FSTL5: variants seen among roughly 807,000 people sequenced by gnomAD.
The protein encoded by FSTL5 is follistatin like 5.
Under a neutral mutation model 89.1 loss-of-function variants are expected in FSTL5, and 62 were observed. The observed-to-expected ratio is 0.70, with a 90% CI of 0.57 to 0.86. FSTL5 has a LOEUF of 0.86. FSTL5 is among the 40% of genes least tolerant of loss of function. FSTL5 has a pLI of 0.00. For missense variants in FSTL5, 1,057 were observed against 1,001.6 expected (o/e 1.06, Z -0.75); for synonymous variants, 383 against 346.2 (o/e 1.11, Z -1.18).
intron 8 of FSTL5, among the ~76,000 whole-genome samples, chr4:161,581,364 A>C (rs1027089769): frequency 8.5e-5 from 13 of 152,164 alleles, no homozygotes; most frequent in African/African-American, 2.7e-4. Context: ...TTATTAACTC[A>C]CAGTGGGAGG....
At chr4:161,393,671 G>A (rs1324762792) in intron 15 of FSTL5, among the ~76,000 whole-genome samples, 3 of 152,184 alleles carry the variant, frequency 2.0e-5, no homozygotes, top group Non-Finnish European at 4.4e-5. Context: ...TTTCAGAGAA[G>A]TGTCAACTGA....
intron 10 of FSTL5, among the ~76,000 whole-genome samples, chr4:161,534,673 G>C (rs190498256): frequency 9.1e-4 from 139 of 152,176 alleles, no homozygotes; most frequent in African/African-American, 2.8e-3. Flanking sequence ...CAGATTAAAA[G>C]ATGTCCCTAC....
chr4:161,470,344 A>G (rs1391685934), intron 13 of FSTL5, among the ~76,000 whole-genome samples: 1 of 152,092 alleles, frequency 6.6e-6, no homozygotes, highest in Non-Finnish European at 1.5e-5. Flanking sequence ...TCACTTGTAG[A>G]AAGACTGCCA....
intron 2 of FSTL5, among the ~76,000 whole-genome samples, chr4:162,074,308 T>C (rs567280997): frequency 2.0e-5 from 3 of 151,934 alleles, no homozygotes; most frequent in Admixed American, 6.6e-5. Flanking sequence ...TTGTTTAAAT[T>C]ACCACATTCT....
intron 7 of FSTL5, among the ~76,000 whole-genome samples, chr4:161,641,709 C>T (rs545375858): frequency 6.6e-6 from 1 of 152,080 alleles, no homozygotes; most frequent in African/African-American, 2.4e-5. Context: ...CCAGGATGGT[C>T]TCGATCTCCT....
At chr4:161,583,542 C>G (rs915089043) in intron 8 of FSTL5, among the ~76,000 whole-genome samples, 6 of 152,176 alleles carry the variant, frequency 3.9e-5, no homozygotes, top group Non-Finnish European at 7.3e-5. Flanking sequence ...CTTTGAAACA[C>G]ACTTTTTGCC....
chr4:161,658,610 C>G (rs1736600569), intron 6 of FSTL5, among the ~76,000 whole-genome samples: 1 of 152,100 alleles, frequency 6.6e-6, no homozygotes, highest in Admixed American at 6.6e-5. Flanking sequence ...CATATACACT[C>G]ATACAGAGAC....
rs548871725 is a variant in FSTL5, at chr4:161,973,190, C to T, written c.161-52538G>A. 9.2e-5 allele frequency among the ~76,000 whole-genome samples: 14 copies of T among 151,746 alleles called. No homozygotes were observed. The South Asian group carries it at 2.1e-3, about 23-fold the overall frequency. On this transcript the variant is annotated intron_variant, in intron 3 of 15. Coordinates refer to ENST00000306100, the MANE Select transcript of FSTL5 (RefSeq NM_020116.5). The stretch of plus-strand genomic sequence containing the variant: ...GTTTCATGTTTTTTTTTCTGTATTA[C>T]GTAGTGAAAGGTATAGCATGACAGT...
At position 161,675,839 on chromosome 4, in the gene FSTL5, T is replaced by C. The variant is rs113836895; in HGVS notation, c.728-19345A>G. 1.9e-3 allele frequency among the ~76,000 whole-genome samples: 285 copies of C among 152,190 alleles called. 1 individual carries two copies. Among genetic ancestry groups the C allele is most frequent in the African/African-American group, 6.6e-3 (276 of 41,576 alleles). On this transcript the variant is annotated intron_variant, in intron 6 of 15. Coordinates refer to ENST00000306100, the MANE Select transcript of FSTL5 (RefSeq NM_020116.5). Reference sequence around the variant, plus strand: ...GTTAATGTATATCTTATATGGATAATAAAAGTCATATTTTTGTAGAAAAAG... The same window carrying C: ...GTTAATGTATATCTTATATGGATAACAAAAGTCATATTTTTGTAGAAAAAG...
chr4:161,967,275 C>T (rs1735356070), intron 3 of FSTL5, among the ~76,000 whole-genome samples: 1 of 151,898 alleles, frequency 6.6e-6, no homozygotes, highest in African/African-American at 2.4e-5. Flanking sequence ...CTCCACTTTA[C>T]AAAATTTTCT....
At chr4:161,507,555 T>G (rs1163981903) in intron 11 of FSTL5, among the ~76,000 whole-genome samples, 1 of 151,834 alleles carries the variant, frequency 6.6e-6, no homozygotes, top group East Asian at 1.9e-4. Context: ...TCAATGTGTT[T>G]TAATAGGCTC....
At chr4:161,516,913 A>G (rs1416536420) in intron 10 of FSTL5, among the ~76,000 whole-genome samples, 2 of 151,994 alleles carry the variant, frequency 1.3e-5, no homozygotes, top group East Asian at 3.9e-4. Flanking sequence ...TTTTCTCTCC[A>G]GTAAGACCCA....
At chr4:161,609,338 G>T (rs370171583) in intron 7 of FSTL5, among the ~76,000 whole-genome samples, 1 of 152,018 alleles carries the variant, frequency 6.6e-6, no homozygotes, top group Non-Finnish European at 1.5e-5. Flanking sequence ...ATTACTAAGC[G>T]ATATATCAAT....
At chr4:161,948,002 T>G (rs9996687) in intron 3 of FSTL5, among the ~76,000 whole-genome samples, 48,898 of 151,892 alleles carry the variant, frequency 0.32, 9,648 homozygotes, top group Non-Finnish European at 0.43. Flanking sequence ...GAATGCTGAG[T>G]ATGGTGGCTC....
chr4:161,554,809 G>A (rs773296555), intron 8 of FSTL5, among the ~76,000 whole-genome samples: 1 of 151,702 alleles, frequency 6.6e-6, no homozygotes, highest in Non-Finnish European at 1.5e-5. Flanking sequence ...CTGACTCACA[G>A]CGGCAGCTGG....
intron 13 of FSTL5, among the ~76,000 whole-genome samples, chr4:161,468,810 C>T (rs984321176): frequency 6.6e-6 from 1 of 151,644 alleles, no homozygotes; most frequent in Non-Finnish European, 1.5e-5. Flanking sequence ...GTGTGTATAC[C>T]TTTTCTTTCA....
intron 2 of FSTL5, among the ~76,000 whole-genome samples, chr4:162,062,999 T>C (rs960933688): frequency 6.6e-5 from 10 of 151,714 alleles, no homozygotes. Context: ...ATGCTACTAT[T>C]TTAAATTGTG....
intron 4 of FSTL5, among the ~76,000 whole-genome samples, chr4:161,903,864 T>C (rs1171176576): frequency 6.6e-6 from 1 of 152,042 alleles, no homozygotes; most frequent in Non-Finnish European, 1.5e-5. Flanking sequence ...ACTCTGTTCC[T>C]CTGAGGCCCC....
At chr4:161,898,417 G>A (rs1207014379) in intron 4 of FSTL5, among the ~76,000 whole-genome samples, 1 of 151,608 alleles carries the variant, frequency 6.6e-6, no homozygotes, top group African/African-American at 2.4e-5. Context: ...AAAACTGGAA[G>A]GAAAAATGAT....
Sources: allele counts gnomAD v4.1 joint callset (sites outside exome capture counted in the v4.1 genomes callset), GRCh38; gene constraint gnomAD v4.1.1; transcripts MANE v1.5; gene names NCBI Gene and HGNC (gene_info 2026-07-23, HGNC 2026-07-21).